TLCD3A: variants seen among roughly 807,000 people sequenced by gnomAD.
TLCD3A encodes TLC domain-containing protein 3A.
Under a neutral mutation model 29.9 loss-of-function variants are expected in TLCD3A, and 17 were observed. The ratio of observed to expected loss-of-function variants is 0.57; its 90% CI spans 0.39 to 0.85. The LOEUF (loss-of-function observed/expected upper bound fraction) is 0.85. Among genes scored for constraint, TLCD3A ranks in the 40% least tolerant of loss-of-function variants. TLCD3A has a pLI of 0.00. For synonymous variants in TLCD3A, 143 were observed against 147.7 expected (o/e 0.97, Z 0.23); for missense variants, 332 against 350.8 (o/e 0.95, Z 0.43).
chr17:735,930 G>A (rs765031726), intron 2 of TLCD3A, among the ~76,000 whole-genome samples: 7 of 147,600 alleles, frequency 4.7e-5, no homozygotes, highest in Admixed American at 3.5e-4. Flanking sequence ...AGCTGAGATC[G>A]CGCCACTACA....
chr17:732,749 C>T lies in TLCD3A; in HGVS notation c.102C>T (p.Asp34=), dbSNP rs1195837620. Residue 34 remains aspartate (D), a synonymous_variant, in exon 1 of 5, where the codon GAC becomes GAT. Transcript: ENST00000308278. ...RRSQPGWSRT[D]CVMISTRLVS... is the part of the protein sequence containing the mutation. ...CCCAGCCCGGATGGAGCCGCACCGA[C>T]TGCGTGATGATCAGCACCAGGTACC... 12 of 1,454,978 alleles carry T rather than the reference C, an allele frequency of 8.2e-6. No individual in the cohort carries two copies. Among genetic ancestry groups the T allele is most frequent in the African/African-American group, 3.0e-5 (2 of 67,708 alleles). 90.1% of individuals were successfully genotyped at this position (1,454,978 alleles called of 1,614,324 possible).
chr17:741,167 A>G, intron 4 of TLCD3A, 134 bp from the exon 5 acceptor site: 1 of 831,086 alleles, frequency 1.2e-6, no homozygotes, highest in South Asian at 1.7e-5. Context: ...TCTGGGCGCC[A>G]GGGAATCTGA....
At chr17:738,531 C>T (rs1191612887) in intron 3 of TLCD3A, among the ~76,000 whole-genome samples, 2 of 152,198 alleles carry the variant, frequency 1.3e-5, no homozygotes, top group Non-Finnish European at 2.9e-5. Context: ...AACACCATTA[C>T]ACATGAAACG....
At chr17:735,890 G>A (rs1203661634) in intron 2 of TLCD3A, among the ~76,000 whole-genome samples, 2 of 149,230 alleles carry the variant, frequency 1.3e-5, no homozygotes, top group Non-Finnish European at 3.0e-5. Context: ...CAGGAGAATC[G>A]TTTGAACCCA....
intron 4 of TLCD3A, among the ~76,000 whole-genome samples, chr17:741,073 T>C (rs1329411400): frequency 1.3e-5 from 2 of 152,228 alleles, no homozygotes; most frequent in Non-Finnish European, 2.9e-5. Flanking sequence ...AAAATCACTA[T>C]TGGAGAAAAT....
In TLCD3A at chr17:737,991, C is replaced by T. The variant is rs553761207; in HGVS notation, c.352C>T (p.Arg118Cys). 19 of 1,613,940 alleles carry T rather than the reference C, an allele frequency of 1.2e-5. No homozygotes were observed. In the South Asian group the frequency reaches 1.3e-4, roughly 11 times the overall value. Residue 118 changes from arginine (R) to cysteine (C), a missense_variant, in exon 3 of 5, where the codon CGC becomes TGC. Coordinates refer to ENST00000308278, the MANE Select transcript of TLCD3A (RefSeq NM_024792.3). Reference protein sequence around the residue: ...LTLRNFLSRNRLMITHHAVIL... With the variant: ...LTLRNFLSRNCLMITHHAVIL... ...TCTTCGAAACTTCCTAAGTCGAAAC[C>T]GCCTCATGATCACACATCATGCGGT... is the stretch of plus-strand genomic sequence containing the variant.
rs764110586 is a variant in TLCD3A at position 732,957 on chromosome 17, C to G, written c.123-141C>G. The G allele has an allele frequency of 6.6e-6, 9 of 1,362,638 alleles. No homozygotes were observed. The African/African-American group carries it at 9.1e-5, about 14-fold the overall frequency. 84.4% of individuals were successfully genotyped at this position (1,362,638 alleles called of 1,614,324 possible). On this transcript the variant is annotated intron_variant, in intron 1 of 4. Transcript: ENST00000308278. ...CTGGCGGGAGCGGGGCCGGGGCGGGCGGGAATGGCCGATGAGCCTCCGGAG... is the reference window on the plus strand; with the variant it reads ...CTGGCGGGAGCGGGGCCGGGGCGGGGGGGAATGGCCGATGAGCCTCCGGAG...
At chr17:732,808 G>A in intron 1 of TLCD3A, 39 bp downstream of exon 1, 3 of 1,420,306 alleles carry the variant, frequency 2.1e-6, no homozygotes, top group Non-Finnish European at 2.8e-6. Flanking sequence ...GGCCCGGGGC[G>A]CTGCCCACCG....
chr17:735,040 T>C (rs561548143), intron 2 of TLCD3A, among the ~76,000 whole-genome samples: 5 of 151,616 alleles, frequency 3.3e-5, no homozygotes, highest in Admixed American at 6.6e-5. Flanking sequence ...TTCTTTTTAT[T>C]GAGATGGAGT....
intron 2 of TLCD3A, 75 bp downstream of exon 2, chr17:733,256 C>A: frequency 1.5e-6 from 2 of 1,353,126 alleles, no homozygotes; most frequent in South Asian, 1.5e-5. Context: ...TCGCAGCACA[C>A]GCGCTCAGAA....
At position 741,677 on chromosome 17, in the gene TLCD3A, C is replaced by A. The variant is rs1974257546; in HGVS notation, c.*107C>A. 7.5e-7 allele frequency: 1 copy of A among 1,333,846 alleles called. No individual in the cohort carries two copies. Among genetic ancestry groups the A allele is most frequent in the Non-Finnish European group, 1.0e-6 (1 of 984,934 alleles). 82.6% of individuals were successfully genotyped at this position (1,333,846 alleles called of 1,614,324 possible). ...GCCTCAGACTTTGGGTATTGATAAG[C>A]CGATGGATTTGAGTTTTTCTAAAGA... is the stretch of plus-strand genomic sequence containing the variant. On this transcript the variant is annotated 3_prime_UTR_variant, in exon 5 of 5. Coordinates refer to ENST00000308278, the MANE Select transcript of TLCD3A (RefSeq NM_024792.3).
At chr17:733,717 T>C (rs946594581) in intron 2 of TLCD3A, among the ~76,000 whole-genome samples, 1 of 152,258 alleles carries the variant, frequency 6.6e-6, no homozygotes, top group Non-Finnish European at 1.5e-5. Context: ...TGCACCTATC[T>C]GCAGTTCCAG....
At chr17:739,627 C>T (rs1429306354) in intron 3 of TLCD3A, among the ~76,000 whole-genome samples, 7 of 152,206 alleles carry the variant, frequency 4.6e-5, no homozygotes, top group Non-Finnish European at 8.8e-5. Context: ...CGTGAGCCAC[C>T]GCGCCCTGCC....
intron 2 of TLCD3A, among the ~76,000 whole-genome samples, chr17:735,703 G>A (rs977371650): frequency 2.6e-5 from 4 of 151,960 alleles, no homozygotes; most frequent in Non-Finnish European, 5.9e-5. Flanking sequence ...GGTGGCTCCT[G>A]CCTGTAATCC....
intron 2 of TLCD3A, among the ~76,000 whole-genome samples, chr17:734,659 C>A (rs992457975): frequency 6.6e-6 from 1 of 152,058 alleles, no homozygotes; most frequent in African/African-American, 2.4e-5. Context: ...GAATATTTTT[C>A]TATTATATGC....
At chr17:737,366 G>C (rs1001498675) in intron 2 of TLCD3A, among the ~76,000 whole-genome samples, 4 of 152,160 alleles carry the variant, frequency 2.6e-5, no homozygotes, top group African/African-American at 4.8e-5. Flanking sequence ...ACTCCATAGA[G>C]TGGGGTTGCA....
intron 2 of TLCD3A, among the ~76,000 whole-genome samples, chr17:737,400 G>T (rs1974173235): frequency 6.6e-6 from 1 of 152,018 alleles, no homozygotes; most frequent in Admixed American, 6.6e-5. Context: ...AAACTCACAG[G>T]TTCCAGGATT....
Position 742,812 on chromosome 17 carries a change from C to T in TLCD3A, c.*1242C>T, listed in dbSNP as rs1035620334. 9 of 152,648 alleles carry T rather than the reference C, an allele frequency of 5.9e-5. No homozygotes were observed. The highest frequency in any genetic ancestry group is 4.2e-4 in the South Asian group (2 of 4,816). The allele number at this position is 152,648 out of a possible 1,614,324, so 9.5% of individuals were successfully genotyped here. A position where few individuals can be genotyped will look rare whatever the true frequency, so the allele number is the denominator to read the frequency against. On this transcript the variant is annotated 3_prime_UTR_variant, in exon 5 of 5. Transcript: ENST00000308278. ...AAAGTGCCTTTCAATTGTCTGTGAA[C>T]GTCTAAAGGACTGATTTGTCTCATT...
At chr17:735,018 T>A (rs868358922) in intron 2 of TLCD3A, among the ~76,000 whole-genome samples, 35 of 151,058 alleles carry the variant, frequency 2.3e-4, no homozygotes, top group Middle Eastern at 6.8e-3. Flanking sequence ...GGACTCCCCC[T>A]CCCCGCCGCC....
Sources: allele counts gnomAD v4.1 joint callset (sites outside exome capture counted in the v4.1 genomes callset), GRCh38; gene constraint gnomAD v4.1.1; transcripts MANE v1.5; gene names NCBI Gene and HGNC (gene_info 2026-07-23, HGNC 2026-07-21).